Variants in SRRM4 observed in about 807,000 individuals in gnomAD.
SRRM4 encodes the protein serine/arginine repetitive matrix protein 4.
In SRRM4, 33 loss-of-function variants were observed where a neutral mutation model predicts 68.9. That is an observed-to-expected ratio of 0.48 (90% CI 0.36 to 0.64). The LOEUF is 0.64. SRRM4 is among the 30% of genes least tolerant of loss of function. The probability of loss-of-function intolerance (pLI) is 0.00; values close to 1 mark genes in which losing one functional copy is unlikely to be tolerated. For synonymous variants in SRRM4, 318 were observed against 318.8 expected, an observed-to-expected ratio of 1.00 and a Z score of 0.03; for missense variants, 817 against 827.1, an observed-to-expected ratio of 0.99 and a Z score of 0.15.
intron 8 of SRRM4, among the ~76,000 whole-genome samples, chr12:119,144,749 C>T (rs1954390319): frequency 6.6e-6 from 1 of 151,742 alleles, no homozygotes; most frequent in Non-Finnish European, 1.5e-5. Context: ...TTGAAAACTG[C>T]TAAAATGTCA....
intron 1 of SRRM4, among the ~76,000 whole-genome samples, chr12:119,065,278 C>T (rs560275398): frequency 1.3e-5 from 2 of 152,244 alleles, no homozygotes; most frequent in African/African-American, 4.8e-5. Flanking sequence ...TGAGTTGACC[C>T]CTGCCCTCCA....
intron 1 of SRRM4, among the ~76,000 whole-genome samples, chr12:119,016,314 A>G (rs1287972545): frequency 6.6e-6 from 1 of 152,082 alleles, no homozygotes; most frequent in African/African-American, 2.4e-5. Flanking sequence ...TTATTATGGT[A>G]GTCCTAGGAA....
intron 8 of SRRM4, among the ~76,000 whole-genome samples, chr12:119,142,435 T>C (rs929757561): frequency 1.3e-4 from 20 of 152,100 alleles, no homozygotes; most frequent in African/African-American, 4.8e-4. Flanking sequence ...GAGTGTTGGG[T>C]TGAGAAGATG....
At chr12:119,061,456 C>A (rs1953811937) in intron 1 of SRRM4, among the ~76,000 whole-genome samples, 2 of 152,132 alleles carry the variant, frequency 1.3e-5, no homozygotes, top group African/African-American at 4.8e-5. Flanking sequence ...TGAATCCAAC[C>A]ATGAAAGCAC....
At chr12:119,099,393 C>T (rs1318114136) in intron 1 of SRRM4, among the ~76,000 whole-genome samples, 2 of 152,186 alleles carry the variant, frequency 1.3e-5, no homozygotes, top group East Asian at 1.9e-4. Context: ...CTCGGCCTCC[C>T]GAAGTGCTGG....
chr12:119,106,681 G>T (rs186792849), intron 2 of SRRM4, among the ~76,000 whole-genome samples: 364 of 152,342 alleles, frequency 2.4e-3, no homozygotes, highest in African/African-American at 8.2e-3. Context: ...CTTTGCTAAA[G>T]TTGCTTATCA....
intron 2 of SRRM4, among the ~76,000 whole-genome samples, chr12:119,108,055 C>T (rs1206278327): frequency 6.6e-6 from 1 of 152,266 alleles, no homozygotes; most frequent in East Asian, 1.9e-4. Context: ...TTTATTTCTG[C>T]CTTCATTTCG....
intron 1 of SRRM4, among the ~76,000 whole-genome samples, chr12:119,008,363 CAA>C (rs201771244): frequency 7.8e-5 from 10 of 128,996 alleles, no homozygotes; most frequent in Admixed American, 3.9e-4. Flanking sequence ...GATCCTGTCT[CAA>C]AAAAAAAAAA....
At position 118,988,386 on chromosome 12, in the gene SRRM4, C is replaced by T. The variant is rs575348970; in HGVS notation, c.131+6373C>T. On this transcript the variant is annotated intron_variant, in intron 1 of 12. Coordinates refer to ENST00000267260, the MANE Select transcript of SRRM4 (RefSeq NM_194286.4). ...ACATTAACTGTGGGGGAATAGTCAA[C>T]GCTAGTGGAGGGGAGCCGTGGAAGG... is the stretch of plus-strand genomic sequence containing the variant. 4.6e-5 allele frequency among the ~76,000 whole-genome samples: 7 copies of T among 152,298 alleles called. No homozygotes were observed. The South Asian group carries it at 1.2e-3, about 27-fold the overall frequency.
intron 1 of SRRM4, among the ~76,000 whole-genome samples, chr12:119,087,639 G>C (rs977479233): frequency 6.6e-6 from 1 of 152,188 alleles, no homozygotes; most frequent in Non-Finnish European, 1.5e-5. Flanking sequence ...TCAGTCTATA[G>C]ACTGTGCAGA....
At chr12:119,007,941 CTG>C in intron 1 of SRRM4, among the ~76,000 whole-genome samples, 1 of 152,260 alleles carries the variant, frequency 6.6e-6, no homozygotes, top group Middle Eastern at 3.4e-3. Flanking sequence ...GGAGGCCTCT[CTG>C]GAGCCTCAAT....
chr12:118,997,135 C>T (rs527536266), intron 1 of SRRM4, among the ~76,000 whole-genome samples: 2 of 152,254 alleles, frequency 1.3e-5, no homozygotes, highest in South Asian at 4.1e-4. Flanking sequence ...ACCATACATG[C>T]TCTTGACCAC....
At chr12:119,074,819 G>A (rs868787985) in intron 1 of SRRM4, among the ~76,000 whole-genome samples, 2 of 152,176 alleles carry the variant, frequency 1.3e-5, no homozygotes, top group Non-Finnish European at 2.9e-5. Flanking sequence ...CTAAAAATAA[G>A]CCAATGAATT....
At chr12:119,046,837 G>A (rs1291021037) in intron 1 of SRRM4, among the ~76,000 whole-genome samples, 2 of 151,916 alleles carry the variant, frequency 1.3e-5, no homozygotes, top group Non-Finnish European at 2.9e-5. Context: ...ACATAAAAAC[G>A]TGTGGACTCT....
At chr12:118,983,753 C>G (rs779537287) in intron 1 of SRRM4, among the ~76,000 whole-genome samples, 1 of 152,196 alleles carries the variant, frequency 6.6e-6, no homozygotes, top group Non-Finnish European at 1.5e-5. Flanking sequence ...GTACTTTCCA[C>G]TTTTGTCTGT....
intron 9 of SRRM4, among the ~76,000 whole-genome samples, chr12:119,149,001 G>A (rs1954421455): frequency 6.6e-6 from 1 of 152,160 alleles, no homozygotes; most frequent in Admixed American, 6.6e-5. Context: ...GGCTCTGGGT[G>A]GTTTTGAGGA....
intron 1 of SRRM4, among the ~76,000 whole-genome samples, chr12:118,985,649 G>A (rs1953277497): frequency 6.6e-6 from 1 of 152,104 alleles, no homozygotes; most frequent in Admixed American, 6.5e-5. Flanking sequence ...AAAGTGTAGA[G>A]AGCCACCTCC....
At chr12:119,141,619 C>A (rs1954365692) in intron 8 of SRRM4, among the ~76,000 whole-genome samples, 1 of 152,134 alleles carries the variant, frequency 6.6e-6, no homozygotes, top group South Asian at 2.1e-4. Flanking sequence ...TAAATGAAGT[C>A]AGGCAGGCCC....
chr12:119,130,221 TG>T (rs140575860), intron 7 of SRRM4, among the ~76,000 whole-genome samples: 32,261 of 151,064 alleles, frequency 0.21, 3,959 homozygotes, highest in South Asian at 0.38. Flanking sequence ...GATAGATGGA[TG>T]GATGGATAGA....
Sources: allele counts gnomAD v4.1 joint callset (sites outside exome capture counted in the v4.1 genomes callset), GRCh38; gene constraint gnomAD v4.1.1; transcripts MANE v1.5; gene names NCBI Gene and HGNC (gene_info 2026-07-23, HGNC 2026-07-21).